Variants in PAX9 observed in about 807,000 individuals in gnomAD.
PAX9 encodes the protein paired box 9.
In PAX9, 6 loss-of-function variants were observed where a neutral mutation model predicts 29.1. The ratio of observed to expected loss-of-function variants is 0.21; its 90% confidence interval spans 0.11 to 0.41. The LOEUF (loss-of-function observed/expected upper bound fraction) is 0.41, where lower values mean the gene tolerates loss of function less well. PAX9 is among the 10% of genes least tolerant of loss of function. PAX9 has a pLI of 1.00. For missense variants in PAX9, 443 were observed against 479.1 expected (o/e 0.92, Z 0.70); for synonymous variants, 217 against 211.7 (o/e 1.03, Z -0.22).
chr14:36,679,001 A>G lies in PAX9; in HGVS notation c.*2549A>G. ...ATATTTCCTCTATCTCATAGATGGT[A>G]AAAGTGTTGCTTTTAAACTGGCAAA... On this transcript the variant is annotated 3_prime_UTR_variant, in exon 4 of 4. Transcript: ENST00000361487. 1 of 944,770 alleles carries G rather than the reference A, an allele frequency of 1.1e-6. No homozygotes were observed. Among genetic ancestry groups the G allele is most frequent in the Non-Finnish European group, 1.2e-6 (1 of 815,340 alleles). 58.5% of individuals were successfully genotyped at this position (944,770 alleles called of 1,614,324 possible).
chr14:36,663,015 C>A lies in PAX9; in HGVS notation c.123C>A (p.Asp41Glu). The A allele has an allele frequency of 6.2e-7, 1 of 1,613,800 alleles. No homozygotes were observed. The highest frequency in any genetic ancestry group is 8.5e-7 in the Non-Finnish European group (1 of 1,180,046). Reference sequence around the variant, plus strand: ...CCCAACTGGGCATCCGACCGTGTGACATCAGCCGCCAGCTACGGGTCTCGC... The same window carrying A: ...CCCAACTGGGCATCCGACCGTGTGAAATCAGCCGCCAGCTACGGGTCTCGC... Reference protein sequence around the residue: ...ELAQLGIRPCDISRQLRVSHG... With the variant: ...ELAQLGIRPCEISRQLRVSHG... Residue 41 changes from aspartate to glutamate, a missense_variant, in exon 2 of 4, where the codon GAC becomes GAA. Physicochemically the swap from Asp to Glu is conservative, Grantham distance 45. Coordinates refer to ENST00000361487, the MANE Select transcript of PAX9 (RefSeq NM_001372076.1).
intron 2 of PAX9, among the ~76,000 whole-genome samples, chr14:36,664,994 T>C (rs1881432291): frequency 6.6e-6 from 1 of 151,946 alleles, no homozygotes; most frequent in African/African-American, 2.4e-5. Context: ...TCAGCAGAAA[T>C]GGGGGCTCAC....
Position 36,677,807 on chromosome 14 carries a change from A to G in PAX9, c.*1355A>G, listed in dbSNP as rs1167565405. On this transcript the variant is annotated 3_prime_UTR_variant, in exon 4 of 4. Transcript: ENST00000361487. ...TTACAGGACACAGTTTAACTCATAA[A>G]CCTTTCTAGACCAATTTATTTTTCA... 6.6e-6 allele frequency: 1 copy of G among 152,166 alleles called. No homozygotes were observed. The highest frequency in any genetic ancestry group is 1.5e-5 in the Non-Finnish European group (1 of 68,028). 9.4% of individuals were successfully genotyped at this position (152,166 alleles called of 1,614,324 possible).
chr14:36,674,560 A>C (rs2139121370), intron 3 of PAX9, among the ~76,000 whole-genome samples: 1 of 152,348 alleles, frequency 6.6e-6, no homozygotes, highest in African/African-American at 2.4e-5. Context: ...GGACCCTTAA[A>C]ATACACTTTA....
At chr14:36,662,866 C>A (rs767342158) in intron 1 of PAX9, 31 bp from the exon 2 acceptor site, 2 of 1,591,398 alleles carry the variant, frequency 1.3e-6, no homozygotes, top group Non-Finnish European at 1.7e-6. Context: ...AGCGGGTGCG[C>A]GTCCCTGCGC....
Position 36,678,246 on chromosome 14 carries a change from G to A in PAX9, c.*1794G>A. The A allele has an allele frequency of 1.8e-6, 1 of 551,690 alleles. No homozygotes were observed. Among genetic ancestry groups the A allele is most frequent in the Non-Finnish European group, 3.2e-6 (1 of 308,628 alleles). 34.2% of individuals were successfully genotyped at this position (551,690 alleles called of 1,614,324 possible). A position where few individuals can be genotyped will look rare whatever the true frequency, so the allele number is the denominator to read the frequency against. On this transcript the variant is annotated 3_prime_UTR_variant, in exon 4 of 4. Coordinates refer to ENST00000361487, the MANE Select transcript of PAX9 (RefSeq NM_001372076.1). ...AGTTAGGTTTTCAAATCACTAGGAT[G>A]TAAACAGTAAGCAGATTTCTGACAC...
At chr14:36,660,522 A>T (rs1441552487), upstream of PAX9, among the ~76,000 whole-genome samples, 3 of 152,240 alleles carry the variant, frequency 2.0e-5, no homozygotes, top group Non-Finnish European at 4.4e-5. Flanking sequence ...TCCTTTGCAG[A>T]AGCATGGCTG....
In PAX9 at chr14:36,666,557, G is replaced by A; in HGVS notation, c.727G>A (p.Gly243Arg). The change falls in exon 3 of 4, where the codon GGG becomes AGG. Residue 243 changes from glycine to arginine, a missense_variant. Physicochemically the swap from Gly to Arg is moderately radical, Grantham distance 125 (BLOSUM62 -2). Coordinates refer to ENST00000361487, the MANE Select transcript of PAX9 (RefSeq NM_001372076.1). The part of the protein sequence containing the change: ...FPAAAPHAVN[G>R]LEKGALEQEA... Reference sequence around the variant, plus strand: ...CGCCGCCGCCCCGCACGCGGTGAACGGGTTGGAGAAGGGAGCCCTGGAGCA... The same window carrying A: ...CGCCGCCGCCCCGCACGCGGTGAACAGGTTGGAGAAGGGAGCCCTGGAGCA... 2 of 1,581,016 alleles carry A rather than the reference G, an allele frequency of 1.3e-6. No homozygotes were observed. The highest frequency in any genetic ancestry group is 1.7e-6 in the Non-Finnish European group (2 of 1,163,396).
At chr14:36,668,701 C>A (rs1424232760) in intron 3 of PAX9, among the ~76,000 whole-genome samples, 1 of 152,084 alleles carries the variant, frequency 6.6e-6, no homozygotes, top group East Asian at 1.9e-4. Context: ...TTTTTATTTT[C>A]TCTTCCTTGA....
intron 2 of PAX9, among the ~76,000 whole-genome samples, chr14:36,665,171 A>G (rs1386153687): frequency 9.0e-5 from 10 of 111,570 alleles, no homozygotes; most frequent in African/African-American, 2.6e-4. Context: ...CATAGTGAAA[A>G]AAAAAAAAAA....
intron 1 of PAX9, 50 bp downstream of exon 1, chr14:36,662,143 C>G (rs1281704880): frequency 3.4e-5 from 14 of 410,428 alleles, no homozygotes; most frequent in Non-Finnish European, 4.4e-5. Flanking sequence ...AGGGAGGGAG[C>G]GAGCGGGCAA....
chr14:36,668,842 G>C (rs1312255151), intron 3 of PAX9, among the ~76,000 whole-genome samples: 3 of 151,926 alleles, frequency 2.0e-5, no homozygotes, highest in Non-Finnish European at 4.4e-5. Flanking sequence ...ATTAAAAATA[G>C]ATTACATTTT....
intron 3 of PAX9, among the ~76,000 whole-genome samples, chr14:36,667,786 G>C (rs914850721): frequency 5.9e-5 from 9 of 152,160 alleles, no homozygotes; most frequent in Non-Finnish European, 1.2e-4. Flanking sequence ...CTTTTCCTTA[G>C]TCTGTTTCTA....
chr14:36,662,150 G>A, intron 1 of PAX9, 57 bp downstream of exon 1: 2 of 375,392 alleles, frequency 5.3e-6, no homozygotes, highest in Non-Finnish European at 5.4e-6. Context: ...GAGCGAGCGG[G>A]CAAGGGAGGG....
chr14:36,678,239 C>G lies in PAX9; in HGVS notation c.*1787C>G. ...CTAGATTAGTTAGGTTTTCAAATCA[C>G]TAGGATGTAAACAGTAAGCAGATTT... On this transcript the variant is annotated 3_prime_UTR_variant, in exon 4 of 4. Transcript: ENST00000361487. 3.8e-6 allele frequency: 2 copies of G among 531,516 alleles called. No individual in the cohort carries two copies. The highest frequency in any genetic ancestry group is 6.7e-6 in the Non-Finnish European group (2 of 297,712). 32.9% of individuals were successfully genotyped at this position (531,516 alleles called of 1,614,324 possible).
Position 36,663,061 on chromosome 14 carries a change from C to T in PAX9, c.169C>T (p.Leu57=). Residue 57 remains leucine, a synonymous_variant, in exon 2 of 4, where the codon CTG becomes TTG. Coordinates refer to ENST00000361487, the MANE Select transcript of PAX9 (RefSeq NM_001372076.1). The part of the protein sequence containing the change: ...RVSHGCVSKI[L]ARYNETGSIL... The stretch of plus-strand genomic sequence containing the variant: ...CTCGCACGGCTGCGTCAGCAAGATC[C>T]TGGCGCGATACAACGAGACGGGCTC... 6.2e-7 allele frequency: 1 copy of T among 1,613,922 alleles called. No homozygotes were observed. Among genetic ancestry groups the T allele is most frequent in the Non-Finnish European group, 8.5e-7 (1 of 1,180,030 alleles).
chr14:36,672,314 A>C (rs185745332), intron 3 of PAX9, among the ~76,000 whole-genome samples: 99 of 152,340 alleles, frequency 6.5e-4, no homozygotes, highest in African/African-American at 2.3e-3. Flanking sequence ...CAGCCTAACT[A>C]GCTTTTCAGA....
chr14:36,679,281 G>A lies in PAX9; in HGVS notation c.*2829G>A, dbSNP rs1882072632. 2 of 980,010 alleles carry A rather than the reference G, an allele frequency of 2.0e-6. No individual in the cohort carries two copies. The highest frequency in any genetic ancestry group is 4.7e-5 in the South Asian group (1 of 21,144). The allele number at this position is 980,010 out of a possible 1,614,324, so 60.7% of individuals were successfully genotyped here. On this transcript the variant is annotated 3_prime_UTR_variant, in exon 4 of 4. Transcript: ENST00000361487. ...ACGTTGGAAAGGATGTACAACAGAA[G>A]GCTATGTATGTATATACAGTATGTC... is the stretch of plus-strand genomic sequence containing the variant.
At position 36,662,078 on chromosome 14, in the gene PAX9, C is replaced by T; in HGVS notation, c.-12C>T. On this transcript the variant is annotated 5_prime_UTR_variant, in exon 1 of 4. Transcript: ENST00000361487. ...GCGGAACTGGGGCCGGGTTGGTGTACTGCTCGGAGCAATGGGTGAGTGGCG... is the reference window on the plus strand; with the variant it reads ...GCGGAACTGGGGCCGGGTTGGTGTATTGCTCGGAGCAATGGGTGAGTGGCG... The T allele has an allele frequency of 1.4e-6, 2 of 1,454,960 alleles. No individual in the cohort carries two copies. The highest frequency in any genetic ancestry group is 1.2e-5 in the South Asian group (1 of 83,364). 90.1% of individuals were successfully genotyped at this position (1,454,960 alleles called of 1,614,324 possible).
Sources: allele counts gnomAD v4.1 joint callset (sites outside exome capture counted in the v4.1 genomes callset), GRCh38; gene constraint gnomAD v4.1.1; transcripts MANE v1.5; gene names NCBI Gene and HGNC (gene_info 2026-07-23, HGNC 2026-07-21).